The following TAFA1 variants were observed in gnomAD, a reference collection of about 807,000 sequenced individuals.
The protein encoded by TAFA1 is TAFA chemokine like family member 1, also known as chemokine-like protein TAFA-1.
In TAFA1, 4 loss-of-function variants were observed where a neutral mutation model predicts 18.5. The ratio of observed to expected loss-of-function variants is 0.22; its 90% CI spans 0.11 to 0.49. TAFA1 has a LOEUF of 0.49. Among genes scored for constraint, TAFA1 ranks in the 20% least tolerant of loss-of-function variants. The pLI, the probability that TAFA1 is intolerant of heterozygous loss-of-function variation, is 0.98. For missense variants in TAFA1, 147 were observed against 169.0 expected, an observed-to-expected ratio of 0.87 and a Z score of 0.72; for synonymous variants, 56 against 55.2, an observed-to-expected ratio of 1.01 and a Z score of -0.06.
chr3:68,323,562 C>G (rs2068726263), intron 2 of TAFA1, among the ~76,000 whole-genome samples: 1 of 152,182 alleles, frequency 6.6e-6, no homozygotes, highest in African/African-American at 2.4e-5. Context: ...TCTGTAATTT[C>G]AGCCTTCAAA....
At chr3:68,162,857 G>A (rs1379001664) in intron 2 of TAFA1, among the ~76,000 whole-genome samples, 1 of 152,196 alleles carries the variant, frequency 6.6e-6, no homozygotes, top group Admixed American at 6.5e-5. Flanking sequence ...GACTCAGAAT[G>A]AGGAATGACA....
intron 2 of TAFA1, among the ~76,000 whole-genome samples, chr3:68,084,740 G>A (rs1287003648): frequency 6.6e-6 from 1 of 151,566 alleles, no homozygotes; most frequent in African/African-American, 2.4e-5. Flanking sequence ...GGAGGTTGCA[G>A]CGAGCCGAGA....
chr3:68,411,819 G>T (rs1264979929), intron 2 of TAFA1, among the ~76,000 whole-genome samples: 5 of 152,114 alleles, frequency 3.3e-5, no homozygotes. Flanking sequence ...ACAAGCCCAG[G>T]CTTCCATGGG....
chr3:68,223,335 T>TA (rs1168677567), intron 2 of TAFA1, among the ~76,000 whole-genome samples: 1 of 152,198 alleles, frequency 6.6e-6, no homozygotes, highest in African/African-American at 2.4e-5. Context: ...AATGAGCACT[T>TA]ACTATGTTTC....
At chr3:68,535,567 G>A (rs958757055) in intron 3 of TAFA1, among the ~76,000 whole-genome samples, 1 of 151,994 alleles carries the variant, frequency 6.6e-6, no homozygotes, top group Admixed American at 6.6e-5. Context: ...TACATACTTT[G>A]GTCTGGTCCA....
intron 2 of TAFA1, among the ~76,000 whole-genome samples, chr3:68,126,357 G>C (rs931039360): frequency 2.0e-5 from 3 of 152,168 alleles, no homozygotes; most frequent in African/African-American, 4.8e-5. Context: ...GTAGGGTACT[G>C]CTCAATTGTA....
chr3:68,017,697 G>A (rs1449758043), intron 2 of TAFA1, among the ~76,000 whole-genome samples: 1 of 152,210 alleles, frequency 6.6e-6, no homozygotes, highest in African/African-American at 2.4e-5. Flanking sequence ...AATAGCTACT[G>A]TTTAAGATAG....
chr3:68,486,507 C>A (rs2106670009), intron 3 of TAFA1, among the ~76,000 whole-genome samples: 1 of 152,276 alleles, frequency 6.6e-6, no homozygotes. Context: ...GGGTTCAAAT[C>A]TCAGCCTTAC....
At chr3:68,459,736 A>G (rs529683946) in intron 3 of TAFA1, among the ~76,000 whole-genome samples, 10 of 152,340 alleles carry the variant, frequency 6.6e-5, no homozygotes, top group Admixed American at 2.0e-4. Context: ...ATTTACCCAT[A>G]TAAGACTTTC....
intron 2 of TAFA1, among the ~76,000 whole-genome samples, chr3:68,040,899 T>C (rs7632136): frequency 0.61 from 93,118 of 152,040 alleles, 28,725 homozygotes; most frequent in East Asian, 0.67. Flanking sequence ...AATTCCTTTC[T>C]GTTTCAAAAC....
rs78105588 is a variant in TAFA1, at chr3:68,453,201, C to T, written c.259+35781C>T. The stretch of plus-strand genomic sequence containing the variant: ...GGTTTGAGTAGGTCAGAGGTAGTGC[C>T]CCAAACCCTCTGTCTTGACAAGAGA... On this transcript the variant is annotated intron_variant, in intron 3 of 4. Transcript: ENST00000478136. Among the ~76,000 whole-genome samples the T allele has an allele frequency of 7.5e-3, 1,144 of 152,196 alleles. 12 individuals are homozygous for T. Among genetic ancestry groups the T allele is most frequent in the African/African-American group, 0.026 (1,090 of 41,506 alleles).
At chr3:68,446,161 C>G (rs529302375) in intron 3 of TAFA1, among the ~76,000 whole-genome samples, 6 of 152,146 alleles carry the variant, frequency 3.9e-5, no homozygotes, top group Non-Finnish European at 8.8e-5. Context: ...CCCACCTCAG[C>G]CTTCCAAAGT....
intron 2 of TAFA1, among the ~76,000 whole-genome samples, chr3:68,210,190 C>A (rs1238662953): frequency 6.6e-6 from 1 of 151,938 alleles, no homozygotes; most frequent in Non-Finnish European, 1.5e-5. Flanking sequence ...TTATCAAAAC[C>A]TGAAGAAAAT....
intron 2 of TAFA1, among the ~76,000 whole-genome samples, chr3:68,198,547 G>T: frequency 6.6e-6 from 1 of 151,576 alleles, no homozygotes. Context: ...AGTGTTGTCA[G>T]TGTTCTGAAT....
At chr3:68,494,702 T>C (rs2072514515) in intron 3 of TAFA1, among the ~76,000 whole-genome samples, 2 of 152,204 alleles carry the variant, frequency 1.3e-5, no homozygotes, top group East Asian at 1.9e-4. Flanking sequence ...TTTTTTATCA[T>C]TTTCTTTAGA....
intron 2 of TAFA1, among the ~76,000 whole-genome samples, chr3:68,309,518 G>A (rs1004866996): frequency 6.6e-6 from 1 of 151,896 alleles, no homozygotes; most frequent in Non-Finnish European, 1.5e-5. Context: ...TTAGACATTG[G>A]GCACAAATAT....
intron 2 of TAFA1, among the ~76,000 whole-genome samples, chr3:68,026,110 C>T (rs1024472338): frequency 1.3e-5 from 2 of 152,032 alleles, no homozygotes; most frequent in African/African-American, 4.8e-5. Context: ...TCAAATCTAA[C>T]GTAAGTATTT....
At chr3:68,053,779 C>T (rs1475096065) in intron 2 of TAFA1, among the ~76,000 whole-genome samples, 1 of 152,160 alleles carries the variant, frequency 6.6e-6, no homozygotes, top group Non-Finnish European at 1.5e-5. Context: ...TCATAGCTCA[C>T]TGCAGCCTTG....
intron 2 of TAFA1, among the ~76,000 whole-genome samples, chr3:68,223,192 G>C (rs1463129983): frequency 6.6e-6 from 1 of 152,122 alleles, no homozygotes; most frequent in Non-Finnish European, 1.5e-5. Flanking sequence ...CCTATTAAAT[G>C]ATTATTTAGA....
Sources: allele counts gnomAD v4.1 joint callset (sites outside exome capture counted in the v4.1 genomes callset), GRCh38; gene constraint gnomAD v4.1.1; transcripts MANE v1.5; gene names NCBI Gene and HGNC (gene_info 2026-07-23, HGNC 2026-07-21).